Variants in KLF12 observed in about 807,000 individuals in gnomAD.
KLF12 encodes KLF transcription factor 12.
KLF12 carries 9 observed loss-of-function variants against 37.8 expected under a neutral mutation model. The observed-to-expected ratio is 0.24, with a 90% CI of 0.14 to 0.42. KLF12 has a LOEUF of 0.42. Ranked by LOEUF, KLF12 falls within the 10% of genes least tolerant of loss-of-function variation. The pLI is 1.00. For synonymous variants in KLF12, 208 were observed against 202.1 expected (o/e 1.03, Z -0.25); for missense variants, 411 against 516.0 (o/e 0.80, Z 1.97).
chr13:73,996,667 G>C (rs1359148966), intron 1 of KLF12, among the ~76,000 whole-genome samples: 2 of 152,156 alleles, frequency 1.3e-5, no homozygotes, highest in African/African-American at 2.4e-5. Flanking sequence ...ACACCCTTCC[G>C]TGTAAATCTG....
chr13:73,808,421 G>T (rs1022913639), intron 5 of KLF12, among the ~76,000 whole-genome samples: 3 of 152,090 alleles, frequency 2.0e-5, no homozygotes, highest in Admixed American at 1.3e-4. Context: ...TGGTTGAAAC[G>T]ATCAGTTCAA....
intron 1 of KLF12, among the ~76,000 whole-genome samples, chr13:74,015,827 TG>T (rs1013136321): frequency 1.3e-5 from 2 of 152,192 alleles, no homozygotes; most frequent in African/African-American, 4.8e-5. Flanking sequence ...ACTCTCTTCT[TG>T]CCCCTAATCA....
chr13:74,279,519 A>ATTT, the KLF12 span, among the ~76,000 whole-genome samples: 4 of 146,692 alleles, frequency 2.7e-5, no homozygotes, highest in African/African-American at 5.0e-5. Flanking sequence ...AATTTTGTTC[A>ATTT]TTTTTTTTTT....
chr13:73,831,051 G>A (rs1884130836), intron 4 of KLF12, among the ~76,000 whole-genome samples: 1 of 148,920 alleles, frequency 6.7e-6, no homozygotes, highest in Non-Finnish European at 1.5e-5. Context: ...ATACAGAATA[G>A]ATTTCATATA....
At chr13:74,272,348 G>T in the KLF12 span, among the ~76,000 whole-genome samples, 2 of 152,124 alleles carry the variant, frequency 1.3e-5, no homozygotes, top group Non-Finnish European at 2.9e-5. Context: ...CACTTTCTTG[G>T]ACTGTCATTG....
chr13:73,975,080 C>T lies in KLF12; in HGVS notation c.33+19910G>A, dbSNP rs149232400. Among the ~76,000 whole-genome samples the T allele has an allele frequency of 1.1e-3, 174 of 152,216 alleles. 2 individuals are homozygous for T. The highest frequency in any genetic ancestry group is 4.0e-3 in the African/African-American group (168 of 41,538). On this transcript the variant is annotated intron_variant, in intron 2 of 7. Coordinates refer to ENST00000377669, the MANE Select transcript of KLF12 (RefSeq NM_007249.5). ...TTCCTATTTTTAAAAACTATTATTC[C>T]ATTAGTAAAAGATGTATGTTCATCT...
At chr13:74,002,524 C>A (rs1037819427) in intron 1 of KLF12, among the ~76,000 whole-genome samples, 4 of 152,072 alleles carry the variant, frequency 2.6e-5, no homozygotes, top group Non-Finnish European at 5.9e-5. Context: ...TACAGGCTAG[C>A]GCCACCACAT....
the KLF12 span, among the ~76,000 whole-genome samples, chr13:74,167,152 T>A: frequency 6.6e-6 from 1 of 152,260 alleles, no homozygotes; most frequent in African/African-American, 2.4e-5. Context: ...TTTATTTTCA[T>A]TTTATTCTTT....
chr13:74,295,963 G>A, the KLF12 span, among the ~76,000 whole-genome samples: 7 of 151,610 alleles, frequency 4.6e-5, no homozygotes, highest in Admixed American at 1.3e-4. Flanking sequence ...ATAGACATGC[G>A]CCTCCCTGAC....
chr13:74,227,751 T>C, the KLF12 span, among the ~76,000 whole-genome samples: 2,469 of 152,246 alleles, frequency 0.016, 65 homozygotes, highest in African/African-American at 0.056. Context: ...TTTATTGTGA[T>C]AACAAAAACC....
chr13:74,195,986 G>C, the KLF12 span, among the ~76,000 whole-genome samples: 2 of 152,146 alleles, frequency 1.3e-5, no homozygotes, highest in Non-Finnish European at 2.9e-5. Flanking sequence ...TGTATTTACT[G>C]TGGTTACAAG....
chr13:74,225,575 C>T, the KLF12 span, among the ~76,000 whole-genome samples: 1 of 152,036 alleles, frequency 6.6e-6, no homozygotes, highest in African/African-American at 2.4e-5. Context: ...ATTTATTGAA[C>T]ACATGCCATT....
intron 6 of KLF12, among the ~76,000 whole-genome samples, chr13:73,743,818 T>C (rs1878177846): frequency 6.6e-6 from 1 of 152,156 alleles, no homozygotes; most frequent in Non-Finnish European, 1.5e-5. Context: ...GAACCAAAGT[T>C]GTGGTTTCTA....
chr13:73,751,316 G>A (rs561123187), intron 6 of KLF12, among the ~76,000 whole-genome samples: 29 of 152,222 alleles, frequency 1.9e-4, no homozygotes, highest in Non-Finnish European at 4.1e-4. Flanking sequence ...AGAAATGTTC[G>A]TACTGTTTTC....
At chr13:74,062,713 C>T (rs747855094) in intron 1 of KLF12, among the ~76,000 whole-genome samples, 4 of 152,176 alleles carry the variant, frequency 2.6e-5, no homozygotes, top group Non-Finnish European at 4.4e-5. Flanking sequence ...CTTGTAATCT[C>T]TTACAGAGCT....
At chr13:73,711,746 G>A (rs972109038) in intron 7 of KLF12, among the ~76,000 whole-genome samples, 13 of 152,128 alleles carry the variant, frequency 8.5e-5, no homozygotes, top group Admixed American at 2.0e-4. Context: ...TTCAGCCCAC[G>A]GATCAAGGAG....
chr13:73,959,930 G>A (rs989458527), intron 2 of KLF12, among the ~76,000 whole-genome samples: 9 of 151,964 alleles, frequency 5.9e-5, no homozygotes, highest in African/African-American at 1.7e-4. Flanking sequence ...CTCAAATACC[G>A]CAAAATGCAA....
At chr13:74,129,328 C>A (rs1878130858) in intron 1 of KLF12, among the ~76,000 whole-genome samples, 1 of 152,050 alleles carries the variant, frequency 6.6e-6, no homozygotes. Flanking sequence ...TAATGCAGAA[C>A]CCACGAATAA....
intron 6 of KLF12, among the ~76,000 whole-genome samples, chr13:73,745,241 C>T (rs1878279122): frequency 6.6e-6 from 1 of 152,294 alleles, no homozygotes; most frequent in Non-Finnish European, 1.5e-5. Context: ...TACAAATGCA[C>T]ATACATTTAA....
Sources: allele counts gnomAD v4.1 joint callset (sites outside exome capture counted in the v4.1 genomes callset), GRCh38; gene constraint gnomAD v4.1.1; transcripts MANE v1.5; gene names NCBI Gene and HGNC (gene_info 2026-07-23, HGNC 2026-07-21).